WNT11: variants seen among roughly 807,000 people sequenced by gnomAD.
The protein encoded by WNT11 is protein Wnt-11.
WNT11 carries 20 observed loss-of-function variants against 35.6 expected under a neutral mutation model. That is an observed-to-expected ratio of 0.56 (90% CI 0.40 to 0.82). The LOEUF (loss-of-function observed/expected upper bound fraction) is 0.82. Among genes scored for constraint, WNT11 ranks in the 40% least tolerant of loss-of-function variants. The probability of loss-of-function intolerance (pLI) is 0.00; values close to 1 mark genes in which losing one functional copy is unlikely to be tolerated. For synonymous variants in WNT11, 200 were observed against 211.9 expected, an observed-to-expected ratio of 0.94 and a Z score of 0.49; for missense variants, 459 against 504.4, an observed-to-expected ratio of 0.91 and a Z score of 0.86.
intron 4 of WNT11, among the ~76,000 whole-genome samples, chr11:76,188,709 G>C (rs1307700610): frequency 6.6e-6 from 1 of 152,266 alleles, no homozygotes; most frequent in Non-Finnish European, 1.5e-5. Flanking sequence ...GAGGGGCCTT[G>C]CCCGTGGTGA....
At chr11:76,204,754 C>T (rs991860216) in intron 1 of WNT11, among the ~76,000 whole-genome samples, 7 of 151,836 alleles carry the variant, frequency 4.6e-5, no homozygotes, top group Non-Finnish European at 7.4e-5. Flanking sequence ...CACCACAGGC[C>T]AGCGTGGGGG....
rs188693656 is a variant in WNT11, at chr11:76,188,805, C to G, written c.891-1566G>C. Among the ~76,000 whole-genome samples, 243 of 152,340 alleles carry G rather than the reference C, an allele frequency of 1.6e-3. 1 individual carries two copies. The highest frequency in any genetic ancestry group is 3.7e-3 in the Admixed American group (56 of 15,306). ...TCATGAAGGATAAGCAAGACTCCGC[C>G]GTGCAGAGGAGGGAAGGAGTGCTGG... On this transcript the variant is annotated intron_variant, in intron 4 of 4. Coordinates refer to ENST00000322563, the MANE Select transcript of WNT11 (RefSeq NM_004626.3).
Position 76,187,076 on chromosome 11 carries a change from C to A in WNT11, c.1054G>T (p.Val352Phe), listed in dbSNP as rs138625233. The change falls in exon 5 of 5, where the codon GTC becomes TTC. Residue 352 changes from valine (V) to phenylalanine (F), a missense_variant. Coordinates refer to ENST00000322563, the MANE Select transcript of WNT11 (RefSeq NM_004626.3). The stretch of plus-strand genomic sequence containing the variant: ...CGGAGGGCAGGGCCTCACTTGCAGA[C>A]ATAGCGCTCCACGGTACGCTCACAC... ...RRCERTVERY[V>F]CK 6.2e-7 allele frequency: 1 copy of A among 1,610,838 alleles called. No homozygotes were observed. Among genetic ancestry groups the A allele is most frequent in the Non-Finnish European group, 8.5e-7 (1 of 1,179,986 alleles).
At chr11:76,204,735 C>T (rs560088443) in intron 1 of WNT11, among the ~76,000 whole-genome samples, 1 of 152,016 alleles carries the variant, frequency 6.6e-6, no homozygotes, top group East Asian at 1.9e-4. Context: ...TTTAGCCAGC[C>T]GTCCATCCCA....
Position 76,194,893 on chromosome 11 carries a change from C to A in WNT11, c.320-49G>T. On this transcript the variant is annotated intron_variant, in intron 2 of 4. Coordinates refer to ENST00000322563, the MANE Select transcript of WNT11 (RefSeq NM_004626.3). This position sits in a 1 kb window ranked among gnomAD's most constrained non-coding sequence, Gnocchi z 5.4. ...GCCGACGCTGATCCAGGGCTAGGAC[C>A]CTGCCCAGGTCAGAGGTCCTCCACC... is the stretch of plus-strand genomic sequence containing the variant. 2.1e-6 allele frequency: 3 copies of A among 1,448,386 alleles called. No homozygotes were observed. The highest frequency in any genetic ancestry group is 1.8e-6 in the Non-Finnish European group (2 of 1,105,366). The allele number at this position is 1,448,386 out of a possible 1,614,324, so 89.7% of individuals were successfully genotyped here.
At chr11:76,210,176 G>A (rs1953543517), upstream of WNT11, among the ~76,000 whole-genome samples, 1 of 151,940 alleles carries the variant, frequency 6.6e-6, no homozygotes. Context: ...GGGCAGAAGA[G>A]GGGGGCCGGG....
chr11:76,195,379 G>A (rs777794805), intron 2 of WNT11, among the ~76,000 whole-genome samples: 4 of 152,162 alleles, frequency 2.6e-5, no homozygotes, highest in South Asian at 2.1e-4. Flanking sequence ...GGGGAATTTC[G>A]GATACACAGA....
At chr11:76,207,241 T>C (rs1367467668), upstream of WNT11, among the ~76,000 whole-genome samples, 1 of 152,144 alleles carries the variant, frequency 6.6e-6, no homozygotes, top group African/African-American at 2.4e-5. Context: ...CGGGCGCCTG[T>C]AATCCCAGCT....
upstream of WNT11, among the ~76,000 whole-genome samples, chr11:76,209,086 A>G (rs575784696): frequency 1.3e-4 from 20 of 152,190 alleles, no homozygotes; most frequent in African/African-American, 4.8e-4. Flanking sequence ...GTGTCGAGGG[A>G]GTGCCCCCTG....
At chr11:76,188,250 G>T (rs1237792141) in intron 4 of WNT11, among the ~76,000 whole-genome samples, 1 of 152,230 alleles carries the variant, frequency 6.6e-6, no homozygotes, top group East Asian at 1.9e-4. Flanking sequence ...TCAGTGGAAT[G>T]ATTACGTCCA....
In WNT11 at chr11:76,194,884, G is replaced by A; in HGVS notation, c.320-40C>T. On this transcript the variant is annotated intron_variant, in intron 2 of 4. Transcript: ENST00000322563. The surrounding 1 kb of genome is among the most constrained non-coding windows in gnomAD (Gnocchi z 5.4). ...GGAAGGTCAGCCGACGCTGATCCAG[G>A]GCTAGGACCCTGCCCAGGTCAGAGG... The A allele has an allele frequency of 6.9e-7, 1 of 1,457,576 alleles. No homozygotes were observed. The highest frequency in any genetic ancestry group is 9.0e-7 in the Non-Finnish European group (1 of 1,110,176). 90.3% of individuals were successfully genotyped at this position (1,457,576 alleles called of 1,614,324 possible).
At chr11:76,208,845 C>T (rs1953513361), upstream of WNT11, among the ~76,000 whole-genome samples, 1 of 152,212 alleles carries the variant, frequency 6.6e-6, no homozygotes, top group South Asian at 2.1e-4. Context: ...TGGGTCCTGA[C>T]GGACTGTTCC....
intron 4 of WNT11, chr11:76,190,822 C>T (rs542156883): frequency 7.2e-5 from 11 of 152,240 alleles, no homozygotes; most frequent in African/African-American, 2.7e-4. Context: ...CTCTTTCTCT[C>T]GTAGGAGATC....
chr11:76,203,704 G>C (rs909930252), intron 1 of WNT11, among the ~76,000 whole-genome samples: 2 of 152,218 alleles, frequency 1.3e-5, no homozygotes, highest in African/African-American at 4.8e-5. Flanking sequence ...TGCGTCCCAG[G>C]CACCCACCAG....
intron 1 of WNT11, among the ~76,000 whole-genome samples, chr11:76,201,561 G>A (rs1404600220): frequency 1.3e-5 from 2 of 152,176 alleles, no homozygotes; most frequent in Non-Finnish European, 2.9e-5. Flanking sequence ...GAGGGTGGAA[G>A]AAAGGACAGG....
At chr11:76,206,000 T>C (rs553895769) in intron 1 of WNT11, among the ~76,000 whole-genome samples, 27 of 152,220 alleles carry the variant, frequency 1.8e-4, no homozygotes, top group Admixed American at 1.6e-3. Context: ...CCGCTCTGGA[T>C]TGCGCCCCCT....
chr11:76,197,209 TAGG>T (rs1446026738), intron 1 of WNT11, among the ~76,000 whole-genome samples: 2 of 152,250 alleles, frequency 1.3e-5, no homozygotes, highest in Non-Finnish European at 2.9e-5. Flanking sequence ...CTACATGTGG[TAGG>T]AGTTTTCCAT....
At position 76,195,001 on chromosome 11, in the gene WNT11, A is replaced by G. The variant is rs1953258917; in HGVS notation, c.320-157T>C. 2.7e-5 allele frequency: 25 copies of G among 917,860 alleles called. No individual in the cohort carries two copies. The South Asian group carries it at 4.3e-4, about 16-fold the overall frequency. The allele number at this position is 917,860 out of a possible 1,614,324, so 56.9% of individuals were successfully genotyped here. A position where few individuals can be genotyped will look rare whatever the true frequency, so the allele number is the denominator to read the frequency against. The stretch of plus-strand genomic sequence containing the variant: ...TTGAGATGTCACCCCTGCTTCCCCA[A>G]TTCCTTCTGAATATACCAGCTGACA... On this transcript the variant is annotated intron_variant, in intron 2 of 4. Coordinates refer to ENST00000322563, the MANE Select transcript of WNT11 (RefSeq NM_004626.3).
chr11:76,192,456 C>T (rs1953201191), intron 3 of WNT11, among the ~76,000 whole-genome samples: 1 of 152,268 alleles, frequency 6.6e-6, no homozygotes, highest in Non-Finnish European at 1.5e-5. Context: ...CCCCCCACTG[C>T]CAGTGCTCCT....
Sources: allele counts gnomAD v4.1 joint callset (sites outside exome capture counted in the v4.1 genomes callset), GRCh38; gene constraint gnomAD v4.1.1; non-coding constraint Gnocchi (gnomAD v3.1); transcripts MANE v1.5; gene names NCBI Gene and HGNC (gene_info 2026-07-23, HGNC 2026-07-21).